CCDC88C: variants seen among roughly 807,000 people sequenced by gnomAD.
CCDC88C encodes coiled-coil and HOOK domain protein 88C.
CCDC88C carries 131 observed loss-of-function variants against 198.8 expected under a neutral mutation model. The ratio of observed to expected loss-of-function variants is 0.66; its 90% CI spans 0.57 to 0.76. CCDC88C has a LOEUF of 0.76. Ranked by LOEUF, CCDC88C falls within the 30% of genes least tolerant of loss-of-function variation. CCDC88C has a pLI of 0.00. For missense variants in CCDC88C, 2,553 were observed against 2,631.6 expected (o/e 0.97, Z 0.65); for synonymous variants, 1,166 against 1,114.7 (o/e 1.05, Z -0.92).
intron 10 of CCDC88C, among the ~76,000 whole-genome samples, chr14:91,331,960 TG>T (rs1892851856): frequency 6.6e-6 from 1 of 151,924 alleles, no homozygotes; most frequent in African/African-American, 2.4e-5. Flanking sequence ...TGCCCCTGGG[TG>T]TAGACTCTGC....
At chr14:91,410,395 A>C (rs1023037890) in intron 2 of CCDC88C, among the ~76,000 whole-genome samples, 2 of 152,176 alleles carry the variant, frequency 1.3e-5, no homozygotes, top group Admixed American at 6.5e-5. Flanking sequence ...AATCAATCTC[A>C]ATGCCATCTG....
In CCDC88C at chr14:91,324,898, A is replaced by G. The variant is rs565951873; in HGVS notation, c.1223T>C (p.Ile408Thr). Residue 408 changes from isoleucine to threonine, a missense_variant, in exon 12 of 30, where the codon ATT becomes ACT. This residue lies in a region of CCDC88C where 1,260 missense variants were observed against 1,412.0 expected (regional missense o/e 0.89). Transcript: ENST00000389857. The part of the protein sequence containing the change: ...ELDRDTDKKR[I>T]EELLEENMVL... ...CATGTTTTCTTCCAGCAGCTCCTCA[A>G]TTCGTTTCTTATCTGTGTCCCGGTC... The G allele has an allele frequency of 6.2e-7, 1 of 1,613,672 alleles. No homozygotes were observed. The highest frequency in any genetic ancestry group is 8.5e-7 in the Non-Finnish European group (1 of 1,179,854).
At chr14:91,307,458 C>T (rs1891608265) in intron 17 of CCDC88C, among the ~76,000 whole-genome samples, 1 of 152,244 alleles carries the variant, frequency 6.6e-6, no homozygotes, top group South Asian at 2.1e-4. Flanking sequence ...GCCTGCAACC[C>T]GTTCCTGCCT....
intron 19 of CCDC88C, among the ~76,000 whole-genome samples, chr14:91,304,251 C>T (rs988483351): frequency 6.6e-6 from 1 of 152,194 alleles, no homozygotes; most frequent in African/African-American, 2.4e-5. Context: ...CCCTGGATAA[C>T]TCCCTTGTGT....
At chr14:91,287,076 C>A (rs1488662508) in intron 25 of CCDC88C, among the ~76,000 whole-genome samples, 1 of 152,030 alleles carries the variant, frequency 6.6e-6, no homozygotes, top group Admixed American at 6.5e-5. Flanking sequence ...GCATTTTTTT[C>A]TCTGAAAGTT....
At chr14:91,356,061 C>G (rs1894027961) in intron 4 of CCDC88C, among the ~76,000 whole-genome samples, 1 of 152,146 alleles carries the variant, frequency 6.6e-6, no homozygotes, top group Non-Finnish European at 1.5e-5. Flanking sequence ...CATGCCCCAC[C>G]CCGGGCAACC....
At chr14:91,281,197 G>C (rs764808201) in intron 27 of CCDC88C, 2 of 828,642 alleles carry the variant, frequency 2.4e-6, no homozygotes, top group Admixed American at 4.3e-5. Context: ...GCCTGGAAGG[G>C]TGCTTGAAGG....
At chr14:91,302,771 AAAG>A (rs1389832333) in intron 20 of CCDC88C, among the ~76,000 whole-genome samples, 1 of 152,196 alleles carries the variant, frequency 6.6e-6, no homozygotes, top group Admixed American at 6.5e-5. Flanking sequence ...TTCCATAATT[AAAG>A]GTTAAAAATG....
chr14:91,400,318 C>T (rs2139999376), intron 3 of CCDC88C, among the ~76,000 whole-genome samples: 1 of 152,360 alleles, frequency 6.6e-6, no homozygotes, highest in South Asian at 2.1e-4. Flanking sequence ...GAATGGGGAT[C>T]GGGAGGAGGA....
intron 25 of CCDC88C, among the ~76,000 whole-genome samples, chr14:91,287,946 C>A (rs201406877): frequency 1.3e-5 from 2 of 152,120 alleles, no homozygotes; most frequent in Admixed American, 6.5e-5. Context: ...TGTGTCTAAT[C>A]GATTCTAAGA....
intron 3 of CCDC88C, among the ~76,000 whole-genome samples, chr14:91,367,181 G>A (rs967649076): frequency 2.0e-5 from 3 of 152,210 alleles, no homozygotes; most frequent in Admixed American, 2.0e-4. Flanking sequence ...TAGGCCCACA[G>A]GATGCCCCTC....
intron 3 of CCDC88C, among the ~76,000 whole-genome samples, chr14:91,389,124 A>T (rs1467753981): frequency 6.6e-6 from 1 of 152,200 alleles, no homozygotes; most frequent in East Asian, 1.9e-4. Flanking sequence ...ATGAGGAGCC[A>T]ATTAGTTCAT....
chr14:91,366,439 TTGCGC>T (rs1324354905), intron 3 of CCDC88C, among the ~76,000 whole-genome samples: 1 of 152,120 alleles, frequency 6.6e-6, no homozygotes, highest in African/African-American at 2.4e-5. Context: ...TGAGCCGAGA[TTGCGC>T]CACTGCCCTC....
chr14:91,377,553 C>T (rs1037242575), intron 3 of CCDC88C, among the ~76,000 whole-genome samples: 10 of 152,120 alleles, frequency 6.6e-5, no homozygotes, highest in Non-Finnish European at 1.2e-4. Context: ...TGGCCCCCCC[C>T]CGGTGCCACT....
At chr14:91,395,809 C>A (rs1037482218) in intron 3 of CCDC88C, among the ~76,000 whole-genome samples, 2 of 152,108 alleles carry the variant, frequency 1.3e-5, no homozygotes, top group African/African-American at 2.4e-5. Context: ...AGAATTACCA[C>A]CCCTCAACCC....
At chr14:91,322,024 G>T (rs915606471) in intron 12 of CCDC88C, among the ~76,000 whole-genome samples, 12 of 152,030 alleles carry the variant, frequency 7.9e-5, no homozygotes, top group African/African-American at 2.7e-4. Flanking sequence ...GCCACAAGCA[G>T]GTGCATGATT....
Position 91,417,586 on chromosome 14 carries a change from G to A in CCDC88C, c.60+45C>T, listed in dbSNP as rs1003824452. 3.9e-6 allele frequency: 6 copies of A among 1,549,702 alleles called. No individual in the cohort carries two copies. The Admixed American group carries it at 7.2e-5, about 19-fold the overall frequency. Reference sequence around the variant, plus strand: ...CGGCGTCCCGTCGCCGGGCTAGAGAGAAGCCGGTGCACCAACAAAGGGGCG... The same window carrying A: ...CGGCGTCCCGTCGCCGGGCTAGAGAAAAGCCGGTGCACCAACAAAGGGGCG... On this transcript the variant is annotated intron_variant, in intron 1 of 29. Transcript: ENST00000389857.
At chr14:91,282,338 C>A (rs1035124940) in intron 26 of CCDC88C, among the ~76,000 whole-genome samples, 5 of 152,192 alleles carry the variant, frequency 3.3e-5, no homozygotes, top group Admixed American at 3.3e-4. Flanking sequence ...AGACTTCCAA[C>A]ACCCCAAAGG....
chr14:91,300,332 T>C (rs188447353), intron 20 of CCDC88C, among the ~76,000 whole-genome samples: 6 of 152,318 alleles, frequency 3.9e-5, no homozygotes, highest in Non-Finnish European at 5.9e-5. Flanking sequence ...CATGCCCTGA[T>C]AAAGCAGTCG....
Sources: allele counts gnomAD v4.1 joint callset (sites outside exome capture counted in the v4.1 genomes callset), GRCh38; gene constraint gnomAD v4.1.1; regional missense constraint gnomAD v4.1.1; transcripts MANE v1.5; gene names NCBI Gene and HGNC (gene_info 2026-07-23, HGNC 2026-07-21).